The following DEPDC4 variants were observed in gnomAD, a reference collection of about 807,000 sequenced individuals.
DEPDC4 encodes the protein DEP domain-containing protein 4.
DEPDC4 carries 52 observed loss-of-function variants against 52.0 expected under a neutral mutation model. The observed-to-expected ratio is 1.00, with a 90% CI of 0.80 to 1.26. The LOEUF (loss-of-function observed/expected upper bound fraction) is 1.26, where lower values mean the gene tolerates loss of function less well. DEPDC4 is among the 50% of genes most tolerant of loss of function. The pLI, the probability that DEPDC4 is intolerant of heterozygous loss-of-function variation, is 0.00. For missense variants in DEPDC4, 530 were observed against 546.9 expected (o/e 0.97, Z 0.31); for synonymous variants, 201 against 196.8 (o/e 1.02, Z -0.18).
intron 8 of DEPDC4, among the ~76,000 whole-genome samples, chr12:100,245,502 A>G (rs1434662953): frequency 6.6e-6 from 1 of 152,164 alleles, no homozygotes; most frequent in East Asian, 1.9e-4. Context: ...CCTGACCTCA[A>G]GTGATCTGCC....
In DEPDC4 at chr12:100,267,038, C is replaced by T; in HGVS notation, c.39G>A (p.Ala13=). The T allele has an allele frequency of 6.2e-7, 1 of 1,613,988 alleles. No individual in the cohort carries two copies. Among genetic ancestry groups the T allele is most frequent in the Non-Finnish European group, 8.5e-7 (1 of 1,179,938 alleles). Residue 13 remains alanine (A), a synonymous_variant, in exon 1 of 10, where the codon GCG becomes GCA. Transcript: ENST00000550587. ...TACGGAACCTCGGAGTCAAAAGAAC[C>T]GCCATAAGCTCGCGCGCTGGCTCCT... The part of the protein sequence containing the change: ...PGEEPARELM[A]VLLTPRFRRL...
At position 100,234,698 on chromosome 12, in the gene DEPDC4, C is replaced by T. The variant is rs902466571; in HGVS notation, c.*699+3270G>A. On this transcript the variant is annotated intron_variant and NMD_transcript_variant, in intron 9 of 10. Coordinates refer to the DEPDC4 transcript ENST00000378244. ...CAGTCTCAAGTGTTATGAATCAGAC[C>T]GTTAATGGTCATGGAAATTTACTGA... 5.3e-5 allele frequency among the ~76,000 whole-genome samples: 8 copies of T among 151,960 alleles called. No individual in the cohort carries two copies. In the East Asian group the frequency reaches 1.4e-3, roughly 26 times the overall value.
At chr12:100,268,203 C>G (rs75906452), upstream of DEPDC4, among the ~76,000 whole-genome samples, 2,609 of 152,272 alleles carry the variant, frequency 0.017, 74 homozygotes, top group African/African-American at 0.059. Context: ...ACGTCAAACT[C>G]AGGAATTATT....
chr12:100,250,842 T>C (rs1019063801), intron 7 of DEPDC4, among the ~76,000 whole-genome samples: 1 of 152,104 alleles, frequency 6.6e-6, no homozygotes, highest in African/African-American at 2.4e-5. Flanking sequence ...ACCTGGGCCC[T>C]TACTACCATC....
At chr12:100,247,496 G>A (rs915887328) in intron 8 of DEPDC4, among the ~76,000 whole-genome samples, 8 of 152,062 alleles carry the variant, frequency 5.3e-5, no homozygotes, top group African/African-American at 1.7e-4. Flanking sequence ...ATGAGCCACC[G>A]CACCCAGCCT....
intron 9 of DEPDC4, among the ~76,000 whole-genome samples, chr12:100,232,140 C>T (rs2096135606): frequency 6.6e-6 from 1 of 152,066 alleles, no homozygotes. Context: ...GCCTGTAATC[C>T]CAGCACTCTG....
chr12:100,266,582 C>T (rs1418503722), intron 1 of DEPDC4, among the ~76,000 whole-genome samples: 1 of 152,182 alleles, frequency 6.6e-6, no homozygotes, highest in African/African-American at 2.4e-5. Context: ...TAGGGACCAG[C>T]AGCATTGGTG....
chr12:100,281,950 G>A, the DEPDC4 span, among the ~76,000 whole-genome samples: 1 of 152,136 alleles, frequency 6.6e-6, no homozygotes, highest in Non-Finnish European at 1.5e-5. Context: ...CTGTGAAAAG[G>A]GGTGGAAAAA....
chr12:100,262,651 T>C (rs1485723179), intron 2 of DEPDC4, among the ~76,000 whole-genome samples: 1 of 152,194 alleles, frequency 6.6e-6, no homozygotes, highest in Non-Finnish European at 1.5e-5. Context: ...ATAGTTGTTA[T>C]GATGGAATAG....
At chr12:100,261,362 G>A (rs1245615858) in intron 3 of DEPDC4, among the ~76,000 whole-genome samples, 2 of 152,118 alleles carry the variant, frequency 1.3e-5, no homozygotes, top group Admixed American at 1.3e-4. Context: ...ATGGAGTAAA[G>A]GGCCATTAAT....
At chr12:100,235,300 C>T (rs1025283221), downstream of DEPDC4, among the ~76,000 whole-genome samples, 7 of 150,626 alleles carry the variant, frequency 4.6e-5, no homozygotes, top group African/African-American at 7.3e-5. Context: ...CAGGTCAAAT[C>T]GTAAATCCAG....
chr12:100,261,779 GAGA>G (rs1339884453), intron 3 of DEPDC4: 2 of 456,748 alleles, frequency 4.4e-6, no homozygotes, highest in South Asian at 1.5e-5. Flanking sequence ...CTACAGGGAA[GAGA>G]AGGAGGGAGT....
the DEPDC4 span, among the ~76,000 whole-genome samples, chr12:100,276,245 C>T: frequency 8.7e-4 from 132 of 152,100 alleles, no homozygotes; most frequent in African/African-American, 3.1e-3. Context: ...TGATGATATA[C>T]CCTATTCATT....
In DEPDC4 at chr12:100,263,589, G is replaced by A; in HGVS notation, c.462C>T (p.Asn154=). Residue 154 remains asparagine (N), a synonymous_variant, in exon 2 of 10, where the codon AAC becomes AAT. Transcript: ENST00000550587. ...TGCCTAGAAACCTGTAGAGACTAAT[G>A]TTGGAATCTTCAAATTCTAATTCCT... ...KEKELEFEDS[N]ISLYRFLGNK... 2 of 1,613,936 alleles carry A rather than the reference G, an allele frequency of 1.2e-6. No homozygotes were observed. Among genetic ancestry groups the A allele is most frequent in the South Asian group, 2.2e-5 (2 of 91,056 alleles).
intron 3 of DEPDC4, among the ~76,000 whole-genome samples, chr12:100,257,321 A>C (rs912513413): frequency 1.2e-4 from 17 of 147,174 alleles, no homozygotes; most frequent in African/African-American, 4.3e-4. Flanking sequence ...CAAGTGATCC[A>C]CCCGCCTTGG....
intron 7 of DEPDC4, 135 bp downstream of exon 7, chr12:100,252,041 G>GA: frequency 3.9e-6 from 3 of 776,396 alleles, no homozygotes; most frequent in Non-Finnish European, 4.8e-6. Context: ...TTTTGTGGGT[G>GA]TGGGGAGTCA....
In DEPDC4 at chr12:100,256,073, A is replaced by T; in HGVS notation, c.854T>A (p.Leu285His). 6.2e-7 allele frequency: 1 copy of T among 1,607,290 alleles called. No homozygotes were observed. Among genetic ancestry groups the T allele is most frequent in the Non-Finnish European group, 8.5e-7 (1 of 1,177,078 alleles). ...CTCAGGTAGACATAAGCTTGGAATA[A>T]GTTCTCTGTCTAGGCAAGTGTTAGT... ...VITNTCLDRE[L>H]IPSLCLPEID... Residue 285 changes from leucine (L) to histidine (H), a missense_variant, in exon 4 of 10, where the codon CTT becomes CAT. By Grantham distance (99) the Leu-to-His change is moderately conservative. Transcript: ENST00000550587.
intron 3 of DEPDC4, among the ~76,000 whole-genome samples, chr12:100,256,438 A>T (rs181241491): frequency 6.6e-6 from 1 of 152,132 alleles, no homozygotes; most frequent in South Asian, 2.1e-4. Flanking sequence ...AGCCATATTA[A>T]TTTTATTTTC....
downstream of DEPDC4, among the ~76,000 whole-genome samples, chr12:100,236,042 A>G (rs1429429538): frequency 1.3e-5 from 2 of 152,170 alleles, no homozygotes; most frequent in Non-Finnish European, 2.9e-5. Flanking sequence ...TTATGGCTGC[A>G]TAGTATTCCA....
Sources: allele counts gnomAD v4.1 joint callset (sites outside exome capture counted in the v4.1 genomes callset), GRCh38; gene constraint gnomAD v4.1.1; transcripts MANE v1.5; gene names NCBI Gene and HGNC (gene_info 2026-07-23, HGNC 2026-07-21).